The following DNAH11 variants were observed in gnomAD, a reference collection of about 807,000 sequenced individuals.
DNAH11 encodes dynein axonemal heavy chain 11.
In DNAH11, 442 loss-of-function variants were observed where a neutral mutation model predicts 526.0. That is an observed-to-expected ratio of 0.84 (90% CI 0.78 to 0.91). The LOEUF (loss-of-function observed/expected upper bound fraction) is 0.91. DNAH11 is among the 40% of genes least tolerant of loss of function. DNAH11 has a pLI of 0.00. For missense variants in DNAH11, 6,989 were observed against 5,448.7 expected (o/e 1.28, Z -8.90); for synonymous variants, 2,461 against 1,935.9 (o/e 1.27, Z -7.12).
At chr7:21,715,711 T>A (rs1784633720) in intron 42 of DNAH11, among the ~76,000 whole-genome samples, 1 of 152,086 alleles carries the variant, frequency 6.6e-6, no homozygotes, top group Admixed American at 6.6e-5. Flanking sequence ...AAATTTACTG[T>A]CTTTTAATGT....
Position 21,690,858 on chromosome 7 carries a change from G to A in DNAH11, c.6018G>A (p.Pro2006=), listed in dbSNP as rs368842512. The change falls in exon 35 of 82, where the codon CCG becomes CCA. Residue 2006 remains proline (P), a synonymous_variant. Coordinates refer to ENST00000409508, the MANE Select transcript of DNAH11 (RefSeq NM_001277115.2). ...NPGYAGRTEL[P]ENLKALFRPC... ...GTTATGCTGGTCGAACCGAATTACC[G>A]GAAAATCTCAAAGCTCTTTTCAGGC... 92 of 1,611,992 alleles carry A rather than the reference G, an allele frequency of 5.7e-5. No homozygotes were observed. Among genetic ancestry groups the A allele is most frequent in the Admixed American group, 3.9e-4 (23 of 59,698 alleles).
chr7:21,696,662 A>G (rs1230473237), intron 35 of DNAH11, among the ~76,000 whole-genome samples: 1 of 152,188 alleles, frequency 6.6e-6, no homozygotes, highest in African/African-American at 2.4e-5. Flanking sequence ...ATGGGTGACG[A>G]AAGCATTACT....
At chr7:21,671,489 A>T (rs954771400) in intron 30 of DNAH11, among the ~76,000 whole-genome samples, 1 of 152,172 alleles carries the variant, frequency 6.6e-6, no homozygotes, top group South Asian at 2.1e-4. Flanking sequence ...CATCTGGAAG[A>T]TCTGCCCAGA....
At chr7:21,587,149 C>T (rs1253723976) in intron 9 of DNAH11, among the ~76,000 whole-genome samples, 3 of 152,162 alleles carry the variant, frequency 2.0e-5, no homozygotes, top group Non-Finnish European at 4.4e-5. Flanking sequence ...TATGCTAGCA[C>T]ACAGAAGAAT....
At chr7:21,609,432 C>G (rs1269577978) in intron 20 of DNAH11, among the ~76,000 whole-genome samples, 1 of 152,158 alleles carries the variant, frequency 6.6e-6, no homozygotes, top group African/African-American at 2.4e-5. Flanking sequence ...GTTGGCCAGA[C>G]TGTTCTTGAA....
chr7:21,720,136 A>G (rs1460038623), intron 43 of DNAH11, among the ~76,000 whole-genome samples: 2 of 152,228 alleles, frequency 1.3e-5, no homozygotes, highest in Non-Finnish European at 2.9e-5. Flanking sequence ...TCGGTGTCCA[A>G]AAAACTGCCA....
chr7:21,855,310 C>T (rs936703391), intron 68 of DNAH11, among the ~76,000 whole-genome samples: 5 of 152,130 alleles, frequency 3.3e-5, no homozygotes, highest in Admixed American at 2.6e-4. Context: ...GGATTACAGG[C>T]GTGAGCCACC....
At chr7:21,780,223 G>T (rs1184939031) in intron 57 of DNAH11, among the ~76,000 whole-genome samples, 2 of 152,098 alleles carry the variant, frequency 1.3e-5, no homozygotes, top group Non-Finnish European at 1.5e-5. Context: ...AAATGTTTCT[G>T]TTGAGTTTCA....
At position 21,899,454 on chromosome 7, in the gene DNAH11, G is replaced by C. The variant is rs1004055129; in HGVS notation, c.13162+6G>C. ...CCCTCAGTCCTTCTTAACTGGTAAGGGCTGACGCAGTGCAGCCCCTGATGC... is the reference window on the plus strand; with the variant it reads ...CCCTCAGTCCTTCTTAACTGGTAAGCGCTGACGCAGTGCAGCCCCTGATGC... On this transcript the variant is annotated splice_donor_region_variant and intron_variant, in intron 80 of 81. Transcript: ENST00000409508. The C allele has an allele frequency of 1.9e-6, 3 of 1,608,520 alleles. No homozygotes were observed. In the African/African-American group the frequency reaches 4.0e-5, roughly 22 times the overall value.
At chr7:21,820,731 C>T (rs1185364345) in intron 65 of DNAH11, among the ~76,000 whole-genome samples, 1 of 152,114 alleles carries the variant, frequency 6.6e-6, no homozygotes, top group Non-Finnish European at 1.5e-5. Context: ...CTCCTAAATA[C>T]ACTCAAGGGG....
In DNAH11 at chr7:21,745,081, G is replaced by T. The variant is rs756000648; in HGVS notation, c.8510+18G>T. The T allele has an allele frequency of 1.9e-6, 3 of 1,590,238 alleles. No homozygotes were observed. The South Asian group carries it at 3.4e-5, about 18-fold the overall frequency. On this transcript the variant is annotated intron_variant, in intron 51 of 81. Transcript: ENST00000409508. ...CAACATGTGTGAGTTAACTAGTCAC[G>T]ATGCTTTTCCACAAAAGGAAGAATG...
intron 45 of DNAH11, among the ~76,000 whole-genome samples, chr7:21,730,468 G>A (rs1165858083): frequency 2.0e-5 from 3 of 152,106 alleles, no homozygotes; most frequent in South Asian, 2.1e-4. Context: ...AAATACTTGT[G>A]GTCACAAACA....
intron 73 of DNAH11, among the ~76,000 whole-genome samples, chr7:21,870,915 C>T (rs1411161451): frequency 6.6e-6 from 1 of 152,176 alleles, no homozygotes; most frequent in Non-Finnish European, 1.5e-5. Flanking sequence ...TGGGCCATCC[C>T]AGTGTCTAGA....
chr7:21,775,724 C>A (rs879489556), intron 56 of DNAH11, among the ~76,000 whole-genome samples: 7 of 152,128 alleles, frequency 4.6e-5, no homozygotes, highest in African/African-American at 1.7e-4. Flanking sequence ...TGTCTATCCT[C>A]TTCTGTCTCA....
chr7:21,677,055 G>A (rs1330840956), intron 30 of DNAH11, among the ~76,000 whole-genome samples: 1 of 152,164 alleles, frequency 6.6e-6, no homozygotes, highest in East Asian at 1.9e-4. Context: ...AAATCTAGGG[G>A]ATGATGAGCA....
intron 75 of DNAH11, among the ~76,000 whole-genome samples, chr7:21,884,058 C>A (rs879936302): frequency 2.6e-5 from 4 of 151,276 alleles, no homozygotes; most frequent in Non-Finnish European, 5.9e-5. Context: ...GAAAAAAAAT[C>A]TTCATAAACA....
At chr7:21,633,712 C>G (rs1391596182) in intron 25 of DNAH11, among the ~76,000 whole-genome samples, 4 of 152,090 alleles carry the variant, frequency 2.6e-5, no homozygotes, top group Non-Finnish European at 5.9e-5. Flanking sequence ...TCCAAGGAGT[C>G]TAAGAAGAGA....
At chr7:21,790,234 C>G (rs567248874) in intron 61 of DNAH11, among the ~76,000 whole-genome samples, 8 of 152,044 alleles carry the variant, frequency 5.3e-5, no homozygotes, top group Non-Finnish European at 8.8e-5. Context: ...ATCACGACAT[C>G]AGGAGATCGA....
At chr7:21,662,642 T>G (rs1341468183) in intron 30 of DNAH11, among the ~76,000 whole-genome samples, 1 of 152,088 alleles carries the variant, frequency 6.6e-6, no homozygotes, top group Non-Finnish European at 1.5e-5. Flanking sequence ...TCTTAGCACT[T>G]TTCAAAAATA....
Sources: gnomAD v4.1 joint callset for allele counts (sites outside exome capture counted in the v4.1 genomes callset) on GRCh38, gnomAD v4.1.1 for gene constraint, MANE v1.5 for transcripts, NCBI Gene and HGNC (gene_info 2026-07-23, HGNC 2026-07-21) for gene names.